The following VPS37A variants were observed in gnomAD, a reference collection of about 807,000 sequenced individuals.
VPS37A encodes vacuolar protein sorting-associated protein 37A.
A neutral mutation model predicts 49.8 loss-of-function variants in VPS37A; 30 were observed. The observed-to-expected ratio is 0.60, with a 90% CI of 0.45 to 0.82. The LOEUF (loss-of-function observed/expected upper bound fraction) is 0.82. Ranked by LOEUF, VPS37A falls within the 40% of genes least tolerant of loss-of-function variation. The pLI, the probability that VPS37A is intolerant of heterozygous loss-of-function variation, is 0.00. For missense variants in VPS37A, 593 were observed against 464.4 expected, an observed-to-expected ratio of 1.28 and a Z score of -2.55; for synonymous variants, 195 against 160.6, an observed-to-expected ratio of 1.21 and a Z score of -1.62.
At chr8:17,260,629 T>A (rs1439770556) in intron 1 of VPS37A, among the ~76,000 whole-genome samples, 1 of 152,224 alleles carries the variant, frequency 6.6e-6, no homozygotes, top group African/African-American at 2.4e-5. Context: ...TAGCATTTCT[T>A]ATAAGATGGG....
At chr8:17,311,562 C>G in the VPS37A span, 4 of 1,614,092 alleles carry the variant, frequency 2.5e-6, no homozygotes, top group Non-Finnish European at 3.4e-6. Flanking sequence ...GGCTTGCCAC[C>G]GAGCACACCT....
downstream of VPS37A, chr8:17,299,307 A>C (rs1165674557): frequency 6.6e-6 from 1 of 152,388 alleles, no homozygotes; most frequent in Non-Finnish European, 1.5e-5. Flanking sequence ...GAAAAGTTAA[A>C]GTGATGATTA....
the VPS37A span, among the ~76,000 whole-genome samples, chr8:17,321,888 A>G: frequency 6.6e-6 from 1 of 152,236 alleles, no homozygotes; most frequent in African/African-American, 2.4e-5. Context: ...GACAAAAGAT[A>G]TAATTTTAGG....
intron 1 of VPS37A, chr8:17,247,904 T>C (rs765544122): frequency 1.3e-4 from 82 of 634,024 alleles, no homozygotes; most frequent in Non-Finnish European, 2.2e-4. Flanking sequence ...ATTTACCCTG[T>C]TGGAGCAGTC....
intron 1 of VPS37A, among the ~76,000 whole-genome samples, chr8:17,250,150 G>A (rs748001203): frequency 2.0e-5 from 3 of 152,154 alleles, no homozygotes; most frequent in African/African-American, 2.4e-5. Context: ...AGGGGAGGAG[G>A]AATTCTGGTT....
intron 1 of VPS37A, among the ~76,000 whole-genome samples, chr8:17,260,136 C>G (rs1309407875): frequency 1.3e-5 from 2 of 152,070 alleles, no homozygotes; most frequent in Admixed American, 6.6e-5. Context: ...CTCCTCTCTT[C>G]CTTTCTTACT....
At chr8:17,301,812 A>C (rs891737414), downstream of VPS37A, 7 of 326,330 alleles carry the variant, frequency 2.1e-5, no homozygotes, top group African/African-American at 1.5e-4. Context: ...GAGTTTTACA[A>C]GTACATATAT....
intron 1 of VPS37A, among the ~76,000 whole-genome samples, chr8:17,262,606 T>C (rs192567581): frequency 1.6e-4 from 25 of 152,136 alleles, no homozygotes; most frequent in African/African-American, 5.8e-4. Context: ...TGTGTATTTA[T>C]GTTGAAAATA....
downstream of VPS37A, chr8:17,304,595 G>C (rs1464051569): frequency 4.1e-6 from 6 of 1,466,754 alleles, no homozygotes; most frequent in African/African-American, 5.6e-5. Context: ...ATTAATGCTG[G>C]AAAGGAACTA....
chr8:17,333,099 A>G, the VPS37A span, among the ~76,000 whole-genome samples: 2 of 152,170 alleles, frequency 1.3e-5, no homozygotes, highest in Admixed American at 6.5e-5. Flanking sequence ...CTCACATTTC[A>G]ATAGCAGCCC....
Position 17,265,922 on chromosome 8 carries a change from G to C in VPS37A, c.141G>C (p.Gln47His), listed in dbSNP as rs1389313457. The C allele has an allele frequency of 1.2e-6, 2 of 1,613,334 alleles. No homozygotes were observed. Among genetic ancestry groups the C allele is most frequent in the East Asian group, 2.2e-5 (1 of 44,746 alleles). The change falls in exon 2 of 12, where the codon CAG becomes CAC. Residue 47 changes from glutamine (Q) to histidine (H), a missense_variant. By Grantham distance (24) the Gln-to-His change is conservative (BLOSUM62 0). Coordinates refer to ENST00000324849, the MANE Select transcript of VPS37A (RefSeq NM_152415.3). ...RNSHSSIAEI[Q>H]KDVEYRLPFT... ...TCTCCTGCAGTATAGCCGAAATACA[G>C]AAAGATGTGGAATACAGATTGCCAT...
chr8:17,284,748 C>G (rs895192888), intron 10 of VPS37A, 132 bp downstream of exon 10: 7 of 1,153,158 alleles, frequency 6.1e-6, no homozygotes, highest in Non-Finnish European at 7.0e-6. Flanking sequence ...ATATATTTAC[C>G]TGAAAGGAAG....
chr8:17,317,324 G>A, the VPS37A span, among the ~76,000 whole-genome samples: 2 of 152,182 alleles, frequency 1.3e-5, no homozygotes, highest in African/African-American at 2.4e-5. Context: ...TGTAACATCT[G>A]CGAGTCCTTT....
chr8:17,252,654 G>C (rs551523100), intron 1 of VPS37A, among the ~76,000 whole-genome samples: 17 of 152,286 alleles, frequency 1.1e-4, no homozygotes, highest in African/African-American at 4.1e-4. Flanking sequence ...AAGAGTAGCT[G>C]TCTGCTTTGC....
intron 2 of VPS37A, among the ~76,000 whole-genome samples, chr8:17,267,227 A>G (rs1183986292): frequency 6.6e-6 from 1 of 152,190 alleles, no homozygotes; most frequent in Non-Finnish European, 1.5e-5. Context: ...TTTATCTCTC[A>G]TCAAATGACC....
At chr8:17,324,165 C>G in the VPS37A span, among the ~76,000 whole-genome samples, 3 of 152,148 alleles carry the variant, frequency 2.0e-5, no homozygotes, top group African/African-American at 7.2e-5. Context: ...GATTTCTGCT[C>G]TAGGTCAAAA....
At chr8:17,249,884 A>C (rs530175067) in intron 1 of VPS37A, among the ~76,000 whole-genome samples, 1 of 152,250 alleles carries the variant, frequency 6.6e-6, no homozygotes, top group African/African-American at 2.4e-5. Flanking sequence ...ATTTATGATT[A>C]GGTTCAATGA....
downstream of VPS37A, chr8:17,298,402 A>G (rs540880914): frequency 6.6e-6 from 1 of 152,274 alleles, no homozygotes; most frequent in South Asian, 2.1e-4. Context: ...TATATTCTAT[A>G]TTTTTAAATA....
At chr8:17,279,834 T>G (rs1429298508) in intron 6 of VPS37A, 194 bp from the exon 7 acceptor site, 1 of 687,072 alleles carries the variant, frequency 1.5e-6, no homozygotes, top group Admixed American at 2.1e-5. Context: ...CAAGAATATA[T>G]TACAGACTGC....
Sources: gnomAD v4.1 joint callset for allele counts (sites outside exome capture counted in the v4.1 genomes callset) on GRCh38, gnomAD v4.1.1 for gene constraint, MANE v1.5 for transcripts, NCBI Gene and HGNC (gene_info 2026-07-23, HGNC 2026-07-21) for gene names.